The following TCF7L1 variants were observed in gnomAD, a reference collection of about 807,000 sequenced individuals.
TCF7L1 encodes the protein transcription factor 7-like 1.
TCF7L1 carries 18 observed loss-of-function variants against 63.7 expected under a neutral mutation model. The observed-to-expected ratio is 0.28, with a 90% CI of 0.20 to 0.42. The LOEUF (loss-of-function observed/expected upper bound fraction) is 0.42, where lower values mean the gene tolerates loss of function less well. Among genes scored for constraint, TCF7L1 ranks in the 10% least tolerant of loss-of-function variants. The pLI is 1.00. For missense variants in TCF7L1, 654 were observed against 779.3 expected (o/e 0.84, Z 1.91); for synonymous variants, 355 against 340.9 (o/e 1.04, Z -0.46).
chr2:85,233,356 G>A (rs1443779242), intron 3 of TCF7L1, among the ~76,000 whole-genome samples: 1 of 144,656 alleles, frequency 6.9e-6, no homozygotes, highest in Non-Finnish European at 1.5e-5. Context: ...TCGCTCTGTT[G>A]CCAGGCTGGA....
At chr2:85,195,251 G>A (rs888072463) in intron 3 of TCF7L1, among the ~76,000 whole-genome samples, 7 of 152,248 alleles carry the variant, frequency 4.6e-5, no homozygotes, top group African/African-American at 1.7e-4. Context: ...TGAGTTGGTA[G>A]GTGAAAAGAA....
intron 4 of TCF7L1, among the ~76,000 whole-genome samples, chr2:85,299,465 T>C (rs1681911655): frequency 6.6e-6 from 1 of 150,398 alleles, no homozygotes; most frequent in Non-Finnish European, 1.5e-5. Context: ...GGCAGGAGAA[T>C]CGCTTGAACC....
intron 3 of TCF7L1, chr2:85,233,834 T>G (rs1680133494): frequency 6.6e-6 from 1 of 152,176 alleles, no homozygotes; most frequent in African/African-American, 2.4e-5. Flanking sequence ...AGCCTTTTGA[T>G]TCTGGCTTCC....
chr2:85,222,700 T>C (rs1679873976), intron 3 of TCF7L1, among the ~76,000 whole-genome samples: 2 of 148,194 alleles, frequency 1.3e-5, no homozygotes, highest in African/African-American at 5.1e-5. Flanking sequence ...GATTAAAGGC[T>C]TTAAAAAAGA....
chr2:85,149,880 C>T (rs1677967854), intron 3 of TCF7L1, among the ~76,000 whole-genome samples: 1 of 152,146 alleles, frequency 6.6e-6, no homozygotes, highest in Admixed American at 6.6e-5. Flanking sequence ...TGTCCCTTTA[C>T]TTAAGGGGGC....
chr2:85,307,743 C>A, intron 11 of TCF7L1, 26 bp downstream of exon 11: 1 of 1,606,368 alleles, frequency 6.2e-7, no homozygotes, highest in Non-Finnish European at 8.5e-7. Flanking sequence ...CTGGCCTCTT[C>A]TCCTGCTTTT....
At chr2:85,220,795 T>C (rs896682172) in intron 3 of TCF7L1, among the ~76,000 whole-genome samples, 4 of 152,198 alleles carry the variant, frequency 2.6e-5, no homozygotes, top group African/African-American at 9.7e-5. Flanking sequence ...ATTTTGGTGC[T>C]TAAAAGAGAG....
intron 3 of TCF7L1, among the ~76,000 whole-genome samples, chr2:85,138,232 C>T (rs1414309056): frequency 6.6e-6 from 1 of 152,090 alleles, no homozygotes; most frequent in Non-Finnish European, 1.5e-5. Context: ...TGAAATTGTC[C>T]TGGTCCTCAA....
At chr2:85,147,680 G>A (rs907235485) in intron 3 of TCF7L1, among the ~76,000 whole-genome samples, 5 of 152,134 alleles carry the variant, frequency 3.3e-5, no homozygotes, top group African/African-American at 1.2e-4. Context: ...GCTGCCCTTG[G>A]GGATCCACTC....
At chr2:85,225,702 A>G (rs1290137325) in intron 3 of TCF7L1, among the ~76,000 whole-genome samples, 3 of 152,262 alleles carry the variant, frequency 2.0e-5, no homozygotes, top group Non-Finnish European at 4.4e-5. Context: ...TTTTCTAAAT[A>G]TACAGTCATG....
chr2:85,251,843 C>T (rs1489066849), intron 3 of TCF7L1, among the ~76,000 whole-genome samples: 3 of 152,130 alleles, frequency 2.0e-5, no homozygotes, highest in African/African-American at 7.2e-5. Context: ...GAGGCGGAAG[C>T]AGGCAGATCA....
intron 3 of TCF7L1, among the ~76,000 whole-genome samples, chr2:85,283,265 T>C (rs968798126): frequency 1.7e-4 from 19 of 109,830 alleles, no homozygotes; most frequent in African/African-American, 2.8e-4. Flanking sequence ...GTCATTCGTG[T>C]CCCCCCCCCC....
intron 3 of TCF7L1, chr2:85,262,143 A>T: frequency 1.8e-6 from 1 of 546,624 alleles, no homozygotes; most frequent in South Asian, 1.4e-5. Flanking sequence ...GCATCATCTA[A>T]TAACAAGGTT....
At chr2:85,144,944 G>C (rs1013626698) in intron 3 of TCF7L1, among the ~76,000 whole-genome samples, 3 of 151,670 alleles carry the variant, frequency 2.0e-5, no homozygotes, top group African/African-American at 7.3e-5. Context: ...AATTAGCTGG[G>C]TGTGGTAGCA....
At chr2:85,137,326 C>T (rs568135897) in intron 3 of TCF7L1, among the ~76,000 whole-genome samples, 2 of 152,278 alleles carry the variant, frequency 1.3e-5, no homozygotes, top group African/African-American at 4.8e-5. Context: ...CATGAGCCAT[C>T]ACCCTTGCCC....
At chr2:85,296,366 T>C (rs1405518718) in intron 4 of TCF7L1, among the ~76,000 whole-genome samples, 1 of 152,216 alleles carries the variant, frequency 6.6e-6, no homozygotes, top group East Asian at 1.9e-4. Context: ...ATGGTTAGAT[T>C]CAGATTGTGC....
At chr2:85,178,062 G>A (rs938399846) in intron 3 of TCF7L1, among the ~76,000 whole-genome samples, 3 of 152,112 alleles carry the variant, frequency 2.0e-5, no homozygotes, top group Non-Finnish European at 4.4e-5. Flanking sequence ...CAGGGCCCCC[G>A]AGCCCTGAGA....
At chr2:85,156,604 C>T (rs887141359) in intron 3 of TCF7L1, among the ~76,000 whole-genome samples, 1 of 152,216 alleles carries the variant, frequency 6.6e-6, no homozygotes, top group Non-Finnish European at 1.5e-5. Context: ...AACCGTTTTA[C>T]AGATGTAAAG....
At chr2:85,182,903 G>T (rs1678836298) in intron 3 of TCF7L1, among the ~76,000 whole-genome samples, 1 of 152,192 alleles carries the variant, frequency 6.6e-6, no homozygotes, top group Non-Finnish European at 1.5e-5. Flanking sequence ...CAGAGGAAAG[G>T]TCCTGAGAAT....
Sources: allele counts gnomAD v4.1 joint callset (sites outside exome capture counted in the v4.1 genomes callset), GRCh38; gene constraint gnomAD v4.1.1; transcripts MANE v1.5; gene names NCBI Gene and HGNC (gene_info 2026-07-23, HGNC 2026-07-21).